The following PRKN variants were observed in gnomAD, a reference collection of about 807,000 sequenced individuals.
PRKN encodes E3 ubiquitin-protein ligase parkin.
A neutral mutation model predicts 59.5 loss-of-function variants in PRKN; 56 were observed. The observed-to-expected ratio is 0.94, with a 90% CI of 0.76 to 1.18. The LOEUF is 1.18. Ranked by LOEUF, PRKN falls within the 50% of genes most tolerant of loss-of-function variation. The pLI, the probability that PRKN is intolerant of heterozygous loss-of-function variation, is 0.00. For synonymous variants in PRKN, 250 were observed against 222.1 expected (o/e 1.13, Z -1.12); for missense variants, 657 against 596.4 (o/e 1.10, Z -1.06).
At chr6:161,720,934 C>T (rs1157501956) in intron 7 of PRKN, among the ~76,000 whole-genome samples, 2 of 152,126 alleles carry the variant, frequency 1.3e-5, no homozygotes, top group Non-Finnish European at 2.9e-5. Flanking sequence ...TGCATTACTT[C>T]CCGTTCATAA....
At chr6:162,658,675 AAAAAAAAAAGAAAAAAG>A (rs1196820183) in intron 1 of PRKN, among the ~76,000 whole-genome samples, 2 of 63,200 alleles carry the variant, frequency 3.2e-5, no homozygotes, top group African/African-American at 1.2e-4. Flanking sequence ...AAAAAAAAAG[AAAAAAAAAAGAAAAAAG>A]AAAAAGAAAA....
intron 6 of PRKN, among the ~76,000 whole-genome samples, chr6:161,901,753 G>A (rs750249866): frequency 6.6e-6 from 1 of 152,194 alleles, no homozygotes; most frequent in Non-Finnish European, 1.5e-5. Context: ...CATCGTGGCT[G>A]CAGGAAAGAC....
intron 6 of PRKN, among the ~76,000 whole-genome samples, chr6:161,845,396 G>A (rs1334117582): frequency 6.6e-6 from 1 of 152,126 alleles, no homozygotes; most frequent in African/African-American, 2.4e-5. Context: ...AAACCATGTG[G>A]GTCATTCCCA....
intron 7 of PRKN, among the ~76,000 whole-genome samples, chr6:161,703,829 C>CTCT (rs1416951840): frequency 7.5e-6 from 1 of 133,968 alleles, no homozygotes; most frequent in Non-Finnish European, 1.5e-5. Flanking sequence ...ATCTCTCTCT[C>CTCT]TCTCTCTCTC....
chr6:162,230,444 AG>A (rs1240523353), intron 3 of PRKN, among the ~76,000 whole-genome samples: 1 of 152,342 alleles, frequency 6.6e-6, no homozygotes, highest in East Asian at 1.9e-4. Flanking sequence ...GGGAGGATCC[AG>A]GGGAAGAGTG....
At chr6:162,457,713 G>A (rs1267137350) in intron 1 of PRKN, among the ~76,000 whole-genome samples, 1 of 152,046 alleles carries the variant, frequency 6.6e-6, no homozygotes, top group Non-Finnish European at 1.5e-5. Context: ...TGTAATGAGT[G>A]TGTTGTGTTT....
At chr6:162,643,560 A>G (rs1778050384) in intron 1 of PRKN, among the ~76,000 whole-genome samples, 1 of 152,148 alleles carries the variant, frequency 6.6e-6, no homozygotes, top group Non-Finnish European at 1.5e-5. Flanking sequence ...CACATTTTCC[A>G]TTAATGGACT....
chr6:162,707,007 T>G (rs1166515323), intron 1 of PRKN, among the ~76,000 whole-genome samples: 2 of 152,216 alleles, frequency 1.3e-5, no homozygotes, highest in Admixed American at 1.3e-4. Context: ...GAGATTTTCT[T>G]ACCTCAAAAT....
rs995187691 is a variant in PRKN, at chr6:161,377,181, C to T, written c.1167+9613G>A. Among the ~76,000 whole-genome samples the T allele has an allele frequency of 1.3e-5, 2 of 152,212 alleles. No homozygotes were observed. The highest frequency in any genetic ancestry group is 2.9e-5 in the Non-Finnish European group (2 of 68,048). On this transcript the variant is annotated intron_variant, in intron 10 of 11. Coordinates refer to ENST00000366898, the MANE Select transcript of PRKN (RefSeq NM_004562.3). This position sits in a 1 kb window ranked among gnomAD's most constrained non-coding sequence, Gnocchi z 4.2. The stretch of plus-strand genomic sequence containing the variant: ...ATTTTGGGGGTTCAGCAGCTGAGAA[C>T]GATGGACCATTTGAAAGAGAGCCCC...
intron 1 of PRKN, among the ~76,000 whole-genome samples, chr6:162,453,204 G>A (rs1442351071): frequency 2.0e-5 from 3 of 152,130 alleles, no homozygotes; most frequent in Non-Finnish European, 2.9e-5. Flanking sequence ...CCTCCTCAGG[G>A]AGTAAGAGAC....
In PRKN at chr6:161,470,774, C is replaced by T. The variant is rs140015939; in HGVS notation, c.1083+78080G>A. ...TGGACTGTTCCAGTGATGTGCCTACCCTGAGCCCGAAGGCTGCCTGAAGGG... is the reference window on the plus strand; with the variant it reads ...TGGACTGTTCCAGTGATGTGCCTACTCTGAGCCCGAAGGCTGCCTGAAGGG... On this transcript the variant is annotated intron_variant, in intron 9 of 11. Coordinates refer to ENST00000366898, the MANE Select transcript of PRKN (RefSeq NM_004562.3). This position sits in a 1 kb window ranked among gnomAD's most constrained non-coding sequence, Gnocchi z 5.1. 5.5e-3 allele frequency among the ~76,000 whole-genome samples: 841 copies of T among 152,226 alleles called. 11 individuals are homozygous for T. The highest frequency in any genetic ancestry group is 0.019 in the African/African-American group (802 of 41,530).
rs199619335 is a variant in PRKN at position 162,527,401 on chromosome 6, T to G, written c.8-83928A>C. On this transcript the variant is annotated intron_variant, in intron 1 of 11. Transcript: ENST00000366898. The stretch of plus-strand genomic sequence containing the variant: ...TCCAAAATAAGTACATTCGAGGATT[T>G]TTTTTTCCACAAAATAAAATAGTTA... Among the ~76,000 whole-genome samples the G allele has an allele frequency of 2.6e-5, 4 of 152,294 alleles. No homozygotes were observed. The East Asian group carries it at 5.8e-4, about 22-fold the overall frequency.
At chr6:161,965,999 T>C (rs1188290202) in intron 6 of PRKN, among the ~76,000 whole-genome samples, 2 of 152,096 alleles carry the variant, frequency 1.3e-5, no homozygotes, top group East Asian at 1.9e-4. Flanking sequence ...TCTAGCTATG[T>C]TATCTAGATA....
intron 2 of PRKN, among the ~76,000 whole-genome samples, chr6:162,434,567 T>C (rs1434741989): frequency 1.3e-5 from 2 of 152,194 alleles, no homozygotes; most frequent in Admixed American, 1.3e-4. Flanking sequence ...CATTTAATTG[T>C]GTTTTCTGTG....
chr6:161,692,598 A>G (rs950139903), intron 7 of PRKN, among the ~76,000 whole-genome samples: 5 of 152,240 alleles, frequency 3.3e-5, no homozygotes, highest in Non-Finnish European at 7.3e-5. Context: ...AGAAAAAGAT[A>G]AGAAGCTACT....
intron 2 of PRKN, among the ~76,000 whole-genome samples, chr6:162,287,154 C>T (rs976647709): frequency 6.6e-6 from 1 of 152,104 alleles, no homozygotes; most frequent in Non-Finnish European, 1.5e-5. Context: ...TGAGACGCAA[C>T]GAAAGCTTCC....
At chr6:161,558,289 T>C (rs112321298) in intron 8 of PRKN, among the ~76,000 whole-genome samples, 2 of 152,224 alleles carry the variant, frequency 1.3e-5, no homozygotes, top group African/African-American at 2.4e-5. Flanking sequence ...CAGTCAGGTA[T>C]AGTGACTCAT....
chr6:161,482,538 A>T (rs1791451261), intron 9 of PRKN, among the ~76,000 whole-genome samples: 2 of 152,246 alleles, frequency 1.3e-5, no homozygotes, highest in African/African-American at 4.8e-5. Flanking sequence ...ACTGGCTTTT[A>T]AATACATACT....
intron 9 of PRKN, among the ~76,000 whole-genome samples, chr6:161,536,331 G>T (rs1279366984): frequency 6.6e-6 from 1 of 151,898 alleles, no homozygotes; most frequent in Non-Finnish European, 1.5e-5. Context: ...CACTAGTAAG[G>T]GTCAAGGGAT....
Sources: allele counts gnomAD v4.1 joint callset (sites outside exome capture counted in the v4.1 genomes callset), GRCh38; gene constraint gnomAD v4.1.1; non-coding constraint Gnocchi (gnomAD v3.1); transcripts MANE v1.5; gene names NCBI Gene and HGNC (gene_info 2026-07-23, HGNC 2026-07-21).